The following MAN1B1 variants were observed in gnomAD, a reference collection of about 807,000 sequenced individuals.
The protein encoded by MAN1B1 is mannosidase alpha class 1B member 1, also known as endoplasmic reticulum mannosyl-oligosaccharide 1,2-alpha-mannosidase.
In MAN1B1, 66 loss-of-function variants were observed where a neutral mutation model predicts 75.5. That is an observed-to-expected ratio of 0.87 (90% CI 0.72 to 1.07). The LOEUF (loss-of-function observed/expected upper bound fraction) is 1.07, where lower values mean the gene tolerates loss of function less well. Among genes scored for constraint, MAN1B1 ranks in the 50% least tolerant of loss-of-function variants. The probability of loss-of-function intolerance (pLI) is 0.00; values close to 1 mark genes in which losing one functional copy is unlikely to be tolerated. For synonymous variants in MAN1B1, 453 were observed against 382.8 expected, an observed-to-expected ratio of 1.18 and a Z score of -2.14; for missense variants, 973 against 912.5, an observed-to-expected ratio of 1.07 and a Z score of -0.85.
chr9:137,097,084 G>A (rs1038074553), intron 4 of MAN1B1, among the ~76,000 whole-genome samples: 1 of 152,202 alleles, frequency 6.6e-6, no homozygotes, highest in Non-Finnish European at 1.5e-5. Context: ...TGAGAGGCGT[G>A]GACATGTGCA....
intron 8 of MAN1B1, chr9:137,104,105 G>T (rs532910260): frequency 2.1e-4 from 95 of 456,382 alleles, no homozygotes; most frequent in African/African-American, 1.9e-3. Context: ...TCTTAAAACT[G>T]AAGCTCTCCC....
intron 4 of MAN1B1, 84 bp from the exon 5 acceptor site, chr9:137,097,744 G>A (rs1252945208): frequency 9.4e-7 from 1 of 1,065,394 alleles, no homozygotes; most frequent in Non-Finnish European, 1.4e-6. Context: ...GCTGTGCCTT[G>A]GCCGTGGGTA....
intron 4 of MAN1B1, 135 bp from the exon 5 acceptor site, chr9:137,097,693 C>A: frequency 1.4e-6 from 1 of 717,140 alleles, no homozygotes; most frequent in Non-Finnish European, 2.5e-6. Flanking sequence ...TGCCACTCAG[C>A]AGCCTGCACC....
At chr9:137,108,257 T>G (rs1280727427) in intron 12 of MAN1B1, 131 bp from the exon 13 acceptor site, 2 of 813,512 alleles carry the variant, frequency 2.5e-6, no homozygotes, top group African/African-American at 3.4e-5. Flanking sequence ...GTGGCCATCA[T>G]CCAGGCGCCC....
chr9:137,107,771 C>A, intron 12 of MAN1B1, 109 bp downstream of exon 12: 1 of 1,526,984 alleles, frequency 6.5e-7, no homozygotes, highest in Non-Finnish European at 9.0e-7. Flanking sequence ...GACCTGGATC[C>A]GGGAGGGGCG....
At chr9:137,097,673 G>A (rs1830689735) in intron 4 of MAN1B1, among the ~76,000 whole-genome samples, 155 bp from the exon 5 acceptor site, 1 of 152,226 alleles carries the variant, frequency 6.6e-6, no homozygotes, top group Non-Finnish European at 1.5e-5. Flanking sequence ...GGACTGAACT[G>A]TGTGTTTCCT....
At position 137,096,394 on chromosome 9, in the gene MAN1B1, A is replaced by G; in HGVS notation, c.620+3A>G. ...GATCCGCAGAGGACAGTCATCAGGT[A>G]CAGAGCGCAGGGCAGGCTGCACGCC... On this transcript the variant is annotated splice_donor_region_variant and intron_variant, in intron 4 of 12. Coordinates refer to ENST00000371589, the MANE Select transcript of MAN1B1 (RefSeq NM_016219.5). 3 of 1,613,424 alleles carry G rather than the reference A, an allele frequency of 1.9e-6. No individual in the cohort carries two copies. The highest frequency in any genetic ancestry group is 1.7e-6 in the Non-Finnish European group (2 of 1,179,822).
At chr9:137,103,646 A>G in intron 8 of MAN1B1, 1 of 258,156 alleles carries the variant, frequency 3.9e-6, no homozygotes, top group Admixed American at 4.1e-5. Context: ...TCGGTGTTAC[A>G]CACATTCACA....
Position 137,106,701 on chromosome 9 carries a change from C to G in MAN1B1, c.1458C>G (p.Asp486Glu), listed in dbSNP as rs1264784262. Reference sequence around the variant, plus strand: ...CTGGTGTCCACAGGCTGCTGGAAGACTACGTGGAAGCCATCGAGGGTGTCA... The same window carrying G: ...CTGGTGTCCACAGGCTGCTGGAAGAGTACGTGGAAGCCATCGAGGGTGTCA... ...GGKQETQLLE[D>E]YVEAIEGVRT... is the part of the protein sequence containing the mutation. Residue 486 changes from aspartate (D) to glutamate (E), a missense_variant, in exon 10 of 13, where the codon GAC (aspartate) becomes GAG (glutamate). Asp to Glu is a conservative substitution (Grantham distance 45). Coordinates refer to ENST00000371589, the MANE Select transcript of MAN1B1 (RefSeq NM_016219.5). 8 of 1,613,404 alleles carry G rather than the reference C, an allele frequency of 5.0e-6. No homozygotes were observed. The highest frequency in any genetic ancestry group is 6.8e-6 in the Non-Finnish European group (8 of 1,180,020).
chr9:137,087,242 G>A (rs1374239855), intron 1 of MAN1B1, 24 bp downstream of exon 1: 2 of 1,553,328 alleles, frequency 1.3e-6, no homozygotes, highest in Admixed American at 1.9e-5. Context: ...CGGGCTGACT[G>A]GGGCCCGGGG....
chr9:137,087,392 C>T, intron 1 of MAN1B1, 174 bp downstream of exon 1: 1 of 847,974 alleles, frequency 1.2e-6, no homozygotes, highest in South Asian at 1.5e-5. Flanking sequence ...CAGCCGTGGG[C>T]GGCTCGCCTG....
intron 8 of MAN1B1, 193 bp downstream of exon 8, chr9:137,101,865 G>T: frequency 1.3e-6 from 1 of 741,376 alleles, no homozygotes; most frequent in South Asian, 1.5e-5. Context: ...TGTTGCAGGC[G>T]TGCAGGTCGG....
rs368462771 is a variant in MAN1B1, at chr9:137,087,022, G to A, written c.23G>A (p.Arg8Lys). Residue 8 changes from arginine to lysine, a missense_variant, in exon 1 of 13, where the codon AGA becomes AAA. Arg to Lys is a conservative substitution (Grantham distance 26, BLOSUM62 2). Transcript: ENST00000371589. ...GCGATGGCTGCCTGCGAGGGCAGGA[G>A]AAGCGGAGCTCTCGGTTCCTCTCAG... MAACEGRRSGALGSSQSD... is the reference protein window; with the variant it reads MAACEGRKSGALGSSQSD... 2.1e-5 allele frequency: 33 copies of A among 1,601,044 alleles called. No homozygotes were observed. Among genetic ancestry groups the A allele is most frequent in the Non-Finnish European group, 2.6e-5 (30 of 1,175,692 alleles).
At position 137,108,498 on chromosome 9, in the gene MAN1B1, C is replaced by A; in HGVS notation, c.2007C>A (p.Phe669Leu). ...FFLGETLKYL[F>L]LLFSDDPNLL... is the part of the protein sequence containing the mutation. ...TGGGGGAGACGCTCAAGTATCTGTT[C>A]TTGCTCTTCTCCGATGACCCAAACC... The change falls in exon 13 of 13, where the codon TTC (phenylalanine) becomes TTA (leucine). Residue 669 changes from phenylalanine to leucine, a missense_variant. Transcript: ENST00000371589. 1 of 1,614,032 alleles carries A rather than the reference C, an allele frequency of 6.2e-7. No individual in the cohort carries two copies. Among genetic ancestry groups the A allele is most frequent in the Non-Finnish European group, 8.5e-7 (1 of 1,180,022 alleles).
chr9:137,103,918 G>T (rs1830998439), intron 8 of MAN1B1: 1 of 453,912 alleles, frequency 2.2e-6, no homozygotes, highest in Non-Finnish European at 4.4e-6. Flanking sequence ...CAGGTCGGTA[G>T]TGTTACACAT....
At chr9:137,106,519 G>T in intron 9 of MAN1B1, 170 bp from the exon 10 acceptor site, 2 of 1,152,224 alleles carry the variant, frequency 1.7e-6, no homozygotes, top group Non-Finnish European at 1.3e-6. Context: ...CTCTGGGGGG[G>T]TGAGGGGGGC....
chr9:137,087,355 G>T, intron 1 of MAN1B1, 137 bp downstream of exon 1: 1 of 1,056,780 alleles, frequency 9.5e-7, no homozygotes, highest in South Asian at 1.5e-5. Flanking sequence ...CCCGCAAAAA[G>T]GGGCAAATGT....
At position 137,091,631 on chromosome 9, in the gene MAN1B1, A is replaced by T. The variant is rs893269399; in HGVS notation, c.465+2626A>T. Among the ~76,000 whole-genome samples the T allele has an allele frequency of 1.3e-4, 18 of 141,906 alleles. 1 individual carries two copies. The South Asian group carries it at 4.0e-3, about 31-fold the overall frequency. 93.1% of individuals were successfully genotyped at this position (141,906 alleles called of 152,430 possible). The stretch of plus-strand genomic sequence containing the variant: ...AAGCTCCACCTCCCGGGTTCATGCC[A>T]TTCTCCTGCCTTGGCCTCCTGAGTA... On this transcript the variant is annotated intron_variant, in intron 3 of 12. Coordinates refer to ENST00000371589, the MANE Select transcript of MAN1B1 (RefSeq NM_016219.5).
rs1176395429 is a variant in MAN1B1 at position 137,103,135 on chromosome 9, C to T, written c.1254+1463C>T. The T allele has an allele frequency of 3.5e-5, 15 of 432,132 alleles. 1 individual carries two copies. Among genetic ancestry groups the T allele is most frequent in the Admixed American group, 1.8e-4 (7 of 38,748 alleles). The allele number at this position is 432,132 out of a possible 1,614,324, so 26.8% of individuals were successfully genotyped here. A position where few individuals can be genotyped will look rare whatever the true frequency, so the allele number is the denominator to read the frequency against. On this transcript the variant is annotated intron_variant, in intron 8 of 12. Transcript: ENST00000371589. ...CACATGCTGTTGCAGGCGTGCAGGT[C>T]GGTGGTGTTACATTCACACTGTTGC...
Sources: gnomAD v4.1 joint callset for allele counts (sites outside exome capture counted in the v4.1 genomes callset) on GRCh38, gnomAD v4.1.1 for gene constraint, MANE v1.5 for transcripts, NCBI Gene and HGNC (gene_info 2026-07-23, HGNC 2026-07-21) for gene names.